CDC7: variants seen among roughly 807,000 people sequenced by gnomAD.
CDC7 encodes cell division cycle 7, also known as cell division cycle 7-related protein kinase.
In CDC7, 34 loss-of-function variants were observed where a neutral mutation model predicts 53.5. The ratio of observed to expected loss-of-function variants is 0.64; its 90% CI spans 0.48 to 0.85. CDC7 has a LOEUF of 0.85. Among genes scored for constraint, CDC7 ranks in the 40% least tolerant of loss-of-function variants. The probability of loss-of-function intolerance (pLI) is 0.00; values close to 1 mark genes in which losing one functional copy is unlikely to be tolerated. For missense variants in CDC7, 594 were observed against 679.7 expected (o/e 0.87, Z 1.40); for synonymous variants, 211 against 222.8 (o/e 0.95, Z 0.47).
Position 91,501,750 on chromosome 1 carries a change from C to T in CDC7, c.34C>T (p.Pro12Ser), listed in dbSNP as rs753957745. 2 of 1,613,978 alleles carry T rather than the reference C, an allele frequency of 1.2e-6. No homozygotes were observed. Among genetic ancestry groups the T allele is most frequent in the Non-Finnish European group, 1.7e-6 (2 of 1,179,988 alleles). The change falls in exon 2 of 12, where the codon CCA becomes TCA. Residue 12 changes from proline to serine, a missense_variant. By Grantham distance (74) the Pro-to-Ser change is moderately conservative (BLOSUM62 -1). Transcript: ENST00000234626. ...GTCTTTGGGGATTCAGATGGATGAG[C>T]CAATGGCTTTTTCTCCCCAGCGTGA... ...EASLGIQMDE[P>S]MAFSPQRDRF...
chr1:91,513,043 A>C lies in CDC7; in HGVS notation c.573-15A>C. The C allele has an allele frequency of 6.2e-7, 1 of 1,608,672 alleles. No homozygotes were observed. Among genetic ancestry groups the C allele is most frequent in the East Asian group, 2.2e-5 (1 of 44,824 alleles). ...TTGCTACAGATAAGTAAAAATGCTTAATTTTGTCTCTTAGGTATGCCTTGG... is the reference window on the plus strand; with the variant it reads ...TTGCTACAGATAAGTAAAAATGCTTCATTTTGTCTCTTAGGTATGCCTTGG... On this transcript the variant is annotated splice_polypyrimidine_tract_variant and intron_variant, in intron 6 of 11. Transcript: ENST00000234626.
chr1:91,509,388 ACAC>A (rs1667152994), intron 4 of CDC7, among the ~76,000 whole-genome samples: 3 of 151,282 alleles, frequency 2.0e-5, no homozygotes, highest in Non-Finnish European at 4.4e-5. Flanking sequence ...AAAAAAAAAA[ACAC>A]CACAACAAAT....
chr1:91,506,371 G>A (rs948645279), intron 2 of CDC7, among the ~76,000 whole-genome samples: 1 of 150,330 alleles, frequency 6.7e-6, no homozygotes, highest in South Asian at 2.1e-4. Flanking sequence ...TCTTGTTCCT[G>A]TCTTTACAGA....
rs1477692827 is a variant in CDC7 at position 91,508,404 on chromosome 1, A to G, written c.335+7A>G. 6.2e-7 allele frequency: 1 copy of G among 1,601,870 alleles called. No homozygotes were observed. Among genetic ancestry groups the G allele is most frequent in the Non-Finnish European group, 8.5e-7 (1 of 1,172,684 alleles). ...AGTGCCTAACAGTGGCTGGGTAGGC[A>G]ATTTAAACATATTTTAATTGAACTT... On this transcript the variant is annotated splice_region_variant and intron_variant, in intron 4 of 11. Coordinates refer to ENST00000234626, the MANE Select transcript of CDC7 (RefSeq NM_003503.4).
chr1:91,515,895 A>G lies in CDC7; in HGVS notation c.1180+19A>G. 6.4e-7 allele frequency: 1 copy of G among 1,573,718 alleles called. No individual in the cohort carries two copies. The highest frequency in any genetic ancestry group is 8.7e-7 in the Non-Finnish European group (1 of 1,143,594). ...ACTACAGGTATGTTGTACTGGAAAT[A>G]CAGAACCTAGTTAAAATGGATTGTT... On this transcript the variant is annotated intron_variant, in intron 10 of 11. Transcript: ENST00000234626.
Position 91,506,872 on chromosome 1 carries a change from C to T in CDC7, c.116-982C>T, listed in dbSNP as rs13447484. 2.3e-4 allele frequency among the ~76,000 whole-genome samples: 35 copies of T among 152,206 alleles called. No homozygotes were observed. The East Asian group carries it at 5.6e-3, about 24-fold the overall frequency. Reference sequence around the variant, plus strand: ...GGCTGAGGCATGAGAATCTCTTGAACGCAGGAGGCAGAGGTTGCAGTGAGT... The same window carrying T: ...GGCTGAGGCATGAGAATCTCTTGAATGCAGGAGGCAGAGGTTGCAGTGAGT... On this transcript the variant is annotated intron_variant, in intron 2 of 11. Transcript: ENST00000234626.
At chr1:91,518,521 TGTG>T (rs1204484361) in intron 10 of CDC7, among the ~76,000 whole-genome samples, 1 of 152,074 alleles carries the variant, frequency 6.6e-6, no homozygotes, top group Non-Finnish European at 1.5e-5. Context: ...ATAAAGAAAA[TGTG>T]GTACTTACAC....
chr1:91,522,589 G>A (rs1393583514), intron 11 of CDC7, among the ~76,000 whole-genome samples: 1 of 152,218 alleles, frequency 6.6e-6, no homozygotes, highest in Non-Finnish European at 1.5e-5. Flanking sequence ...AAAGCATATT[G>A]TATAACTTGG....
intron 7 of CDC7, 48 bp downstream of exon 7, chr1:91,513,355 A>T: frequency 6.5e-7 from 1 of 1,547,114 alleles, no homozygotes; most frequent in Non-Finnish European, 8.9e-7. Flanking sequence ...TTAGAAATAT[A>T]CTCCTTCAAC....
rs962250569 is a variant in CDC7 at position 91,501,600 on chromosome 1, T to C, written c.-63-54T>C. The C allele has an allele frequency of 7.8e-6, 6 of 768,428 alleles. No individual in the cohort carries two copies. The African/African-American group carries it at 8.7e-5, about 11-fold the overall frequency. 47.6% of individuals were successfully genotyped at this position (768,428 alleles called of 1,614,324 possible). On this transcript the variant is annotated intron_variant, in intron 1 of 11. Transcript: ENST00000234626. ...CCTTTGGGGGGCAGTAGCATGTTTT[T>C]AGTGCGTGGTTTAGCGAGTGATCTA... is the stretch of plus-strand genomic sequence containing the variant.
At position 91,524,429 on chromosome 1, in the gene CDC7, C is replaced by T; in HGVS notation, c.1719C>T (p.Ser573=). 6.3e-7 allele frequency: 1 copy of T among 1,599,648 alleles called. No homozygotes were observed. Among genetic ancestry groups the T allele is most frequent in the South Asian group, 1.1e-5 (1 of 89,740 alleles). ...TGCATCCATTTTTTAAAGATATGAG[C>T]TTGTGATAATGGATCTTCATTTAAT... ...ALLHPFFKDM[S]L The change falls in exon 12 of 12, where the codon AGC becomes AGT. Residue 573 remains serine, a synonymous_variant. Coordinates refer to ENST00000234626, the MANE Select transcript of CDC7 (RefSeq NM_003503.4).
Position 91,501,764 on chromosome 1 carries a change from T to C in CDC7, c.48T>C (p.Ser16=). ...AGATGGATGAGCCAATGGCTTTTTC[T>C]CCCCAGCGTGACCGGTTTCAGGCTG... ...GIQMDEPMAF[S]PQRDRFQAEG... The change falls in exon 2 of 12, where the codon TCT becomes TCC. Residue 16 remains serine, a synonymous_variant. Coordinates refer to ENST00000234626, the MANE Select transcript of CDC7 (RefSeq NM_003503.4). The C allele has an allele frequency of 6.2e-7, 1 of 1,614,036 alleles. No individual in the cohort carries two copies. Among genetic ancestry groups the C allele is most frequent in the Non-Finnish European group, 8.5e-7 (1 of 1,180,006 alleles).
chr1:91,512,910 A>ATTTTTTTTTTTT, intron 6 of CDC7, 148 bp from the exon 7 acceptor site: 3 of 686,182 alleles, frequency 4.4e-6, no homozygotes, highest in Non-Finnish European at 7.2e-6. Flanking sequence ...TGGAAAACTT[A>ATTTTTTTTTTTT]TTTTTTTTTC....
At chr1:91,522,748 C>T (rs1668029253) in intron 11 of CDC7, among the ~76,000 whole-genome samples, 1 of 152,138 alleles carries the variant, frequency 6.6e-6, no homozygotes, top group Non-Finnish European at 1.5e-5. Context: ...AAAGCATTGG[C>T]ATATTGTACT....
At chr1:91,520,563 AGTTATG>A (rs1203934190) in intron 11 of CDC7, among the ~76,000 whole-genome samples, 1 of 152,140 alleles carries the variant, frequency 6.6e-6, no homozygotes, top group Non-Finnish European at 1.5e-5. Flanking sequence ...AACTCCTTTT[AGTTATG>A]GTTTGACTTT....
chr1:91,503,390 A>G (rs1042271918), intron 2 of CDC7, among the ~76,000 whole-genome samples: 1 of 152,226 alleles, frequency 6.6e-6, no homozygotes, highest in African/African-American at 2.4e-5. Context: ...GTCCAGGCAC[A>G]TAACAGTCTA....
At chr1:91,509,105 T>C (rs897727710) in intron 4 of CDC7, among the ~76,000 whole-genome samples, 1 of 152,192 alleles carries the variant, frequency 6.6e-6, no homozygotes, top group Non-Finnish European at 1.5e-5. Flanking sequence ...ATTTGGCCTT[T>C]CATTTTCAGT....
chr1:91,501,166 G>A (rs944273908), intron 1 of CDC7: 3 of 152,476 alleles, frequency 2.0e-5, no homozygotes, highest in Admixed American at 6.5e-5. Context: ...CTCGCGGCCA[G>A]CGCTGGCCGG....
chr1:91,512,568 T>G (rs1362767641), intron 6 of CDC7, among the ~76,000 whole-genome samples: 1 of 152,126 alleles, frequency 6.6e-6, no homozygotes, highest in Non-Finnish European at 1.5e-5. Flanking sequence ...AGAGAAATTA[T>G]AAGCTAAAAA....
Sources: allele counts gnomAD v4.1 joint callset (sites outside exome capture counted in the v4.1 genomes callset), GRCh38; gene constraint gnomAD v4.1.1; transcripts MANE v1.5; gene names NCBI Gene and HGNC (gene_info 2026-07-23, HGNC 2026-07-21).